The following DNAJC15 variants were observed in gnomAD, a reference collection of about 807,000 sequenced individuals.
The protein encoded by DNAJC15 is dnaJ homolog subfamily C member 15.
In DNAJC15, 27 loss-of-function variants were observed where a neutral mutation model predicts 22.4. That is an observed-to-expected ratio of 1.20 (90% CI 0.89 to 1.66). The LOEUF (loss-of-function observed/expected upper bound fraction) is 1.66. DNAJC15 is among the 40% of genes most tolerant of loss of function. The pLI is 0.00. For missense variants in DNAJC15, 208 were observed against 187.1 expected (o/e 1.11, Z -0.65); for synonymous variants, 79 against 63.2 (o/e 1.25, Z -1.19).
chr13:43,083,761 T>C (rs1272072608), intron 4 of DNAJC15, among the ~76,000 whole-genome samples: 1 of 152,230 alleles, frequency 6.6e-6, no homozygotes, highest in East Asian at 1.9e-4. Context: ...ACAGTTATTT[T>C]CTCAAAATTC....
rs1257220532 is a variant in DNAJC15 at position 43,078,610 on chromosome 13, A to G, written c.235-2A>G. The G allele has an allele frequency of 6.2e-7, 1 of 1,612,324 alleles. No homozygotes were observed. The highest frequency in any genetic ancestry group is 1.1e-5 in the South Asian group (1 of 90,902). On this transcript the variant is annotated splice_acceptor_variant, in intron 3 of 5. Coordinates refer to ENST00000379221, the MANE Select transcript of DNAJC15 (RefSeq NM_013238.3). LOFTEE classifies it high-confidence loss of function. The stretch of plus-strand genomic sequence containing the variant: ...ATTTCTTGCTCTTTCTTTCCTATAC[A>G]GAGCTTTTCATCCTACTATAAAGGA...
rs551438948 is a variant in DNAJC15 at position 43,048,661 on chromosome 13, C to T, written c.109-17025C>T. 7.0e-4 allele frequency among the ~76,000 whole-genome samples: 106 copies of T among 152,116 alleles called. 2 individuals are homozygous for T. In the South Asian group the frequency reaches 0.017, roughly 24 times the overall value. ...AATGTTAGGTTTTTGGTTTTTCTTA[C>T]ATAGAGACCACTGTTCCCAAACATT... On this transcript the variant is annotated intron_variant, in intron 1 of 5. Coordinates refer to ENST00000379221, the MANE Select transcript of DNAJC15 (RefSeq NM_013238.3).
intron 5 of DNAJC15, among the ~76,000 whole-genome samples, chr13:43,089,321 C>T (rs1017086849): frequency 4.6e-5 from 7 of 152,216 alleles, no homozygotes; most frequent in South Asian, 2.1e-4. Context: ...TCTCTGTCCC[C>T]GTGGGATCAT....
At position 43,049,433 on chromosome 13, in the gene DNAJC15, A is replaced by G. The variant is rs1404825589; in HGVS notation, c.109-16253A>G. 3.9e-5 allele frequency among the ~76,000 whole-genome samples: 6 copies of G among 152,368 alleles called. No homozygotes were observed. The South Asian group carries it at 1.2e-3, about 32-fold the overall frequency. ...CAGATCCTCTTAGCCCAAGGATATG[A>G]TACTGAAGTTTAGTAAACGAGAAAT... On this transcript the variant is annotated intron_variant, in intron 1 of 5. Coordinates refer to ENST00000379221, the MANE Select transcript of DNAJC15 (RefSeq NM_013238.3).
At position 43,069,058 on chromosome 13, in the gene DNAJC15, CAT is replaced by C. The variant is rs1318453060; in HGVS notation, c.234+58_234+59del. 40 of 1,511,454 alleles carry C rather than the reference CAT, an allele frequency of 2.6e-5. 1 individual carries two copies. In the East Asian group the frequency reaches 8.1e-4, roughly 31 times the overall value. 93.6% of individuals were successfully genotyped at this position (1,511,454 alleles called of 1,614,324 possible). On this transcript the variant is annotated intron_variant, in intron 3 of 5. Coordinates refer to ENST00000379221, the MANE Select transcript of DNAJC15 (RefSeq NM_013238.3). Reference sequence around the variant, plus strand: ...CTCATTTTGATTTTTGTTCATATGACATATTTCAATTAACTTAGAAAATGTCT... The same window carrying C: ...CTCATTTTGATTTTTGTTCATATGACATTTCAATTAACTTAGAAAATGTCT...
In DNAJC15 at chr13:43,110,909, G is replaced by A. The variant is rs1302267271; in HGVS notation, c.*3661G>A. 1 of 152,170 alleles carries A rather than the reference G, an allele frequency of 6.6e-6. No homozygotes were observed. Among genetic ancestry groups the A allele is most frequent in the African/African-American group, 2.4e-5 (1 of 41,438 alleles). 9.4% of individuals were successfully genotyped at this position (152,170 alleles called of 1,614,324 possible). On this transcript the variant is annotated 3_prime_UTR_variant, in exon 6 of 6. Transcript: ENST00000379221. ...GTTACCTGTCTTCAGTAAAGATTGC[G>A]CTTGCATATTTGCTGTCATTGCATA...
At position 43,111,411 on chromosome 13, in the gene DNAJC15, A is replaced by G. The variant is rs1412489915; in HGVS notation, c.*4163A>G. ...TTAATGGGCGTGCTTATGATTGATC[A>G]CCCAGCAGCATCATTAGAAATAATA... is the stretch of plus-strand genomic sequence containing the variant. On this transcript the variant is annotated 3_prime_UTR_variant, in exon 6 of 6. Coordinates refer to ENST00000379221, the MANE Select transcript of DNAJC15 (RefSeq NM_013238.3). The G allele has an allele frequency of 2.6e-5, 4 of 152,188 alleles. No homozygotes were observed. The highest frequency in any genetic ancestry group is 7.2e-5 in the African/African-American group (3 of 41,432). 9.4% of individuals were successfully genotyped at this position (152,188 alleles called of 1,614,324 possible).
intron 4 of DNAJC15, among the ~76,000 whole-genome samples, chr13:43,085,287 G>C (rs1219644356): frequency 6.6e-6 from 1 of 151,132 alleles, no homozygotes; most frequent in Non-Finnish European, 1.5e-5. Context: ...CTTGAACCTG[G>C]GAGGTGGAGG....
Position 43,107,304 on chromosome 13 carries a change from G to C in DNAJC15, c.*56G>C, listed in dbSNP as rs1313160388. Reference sequence around the variant, plus strand: ...AGAGGGGACTTCGAAAAAAAAAAAAGCCCTGCAAAATATTCTAAAACATGG... The same window carrying C: ...AGAGGGGACTTCGAAAAAAAAAAAACCCCTGCAAAATATTCTAAAACATGG... On this transcript the variant is annotated 3_prime_UTR_variant, in exon 6 of 6. Coordinates refer to ENST00000379221, the MANE Select transcript of DNAJC15 (RefSeq NM_013238.3). 10 of 1,258,886 alleles carry C rather than the reference G, an allele frequency of 7.9e-6. No individual in the cohort carries two copies. Among genetic ancestry groups the C allele is most frequent in the Admixed American group, 3.1e-5 (1 of 32,696 alleles). The allele number at this position is 1,258,886 out of a possible 1,614,324, so 78.0% of individuals were successfully genotyped here.
chr13:43,033,236 T>C (rs2040412148), intron 1 of DNAJC15, among the ~76,000 whole-genome samples: 1 of 152,202 alleles, frequency 6.6e-6, no homozygotes, highest in African/African-American at 2.4e-5. Flanking sequence ...GACAATATAG[T>C]GAGACCCCAT....
chr13:43,048,619 A>T (rs2040488911), intron 1 of DNAJC15, among the ~76,000 whole-genome samples: 1 of 152,220 alleles, frequency 6.6e-6, no homozygotes, highest in African/African-American at 2.4e-5. Flanking sequence ...CTAAATTTCT[A>T]AATTTGATGT....
At chr13:43,058,210 G>A (rs1178002833) in intron 1 of DNAJC15, among the ~76,000 whole-genome samples, 1 of 152,140 alleles carries the variant, frequency 6.6e-6, no homozygotes, top group African/African-American at 2.4e-5. Context: ...GAGTTTGTTG[G>A]CTTCTAGCCA....
chr13:43,101,184 C>T (rs2040767146), intron 5 of DNAJC15, among the ~76,000 whole-genome samples: 1 of 152,104 alleles, frequency 6.6e-6, no homozygotes. Context: ...TTGGCTCATG[C>T]TTGTTTGCTT....
chr13:43,080,633 T>TTTTTG (rs1342921404), intron 4 of DNAJC15, among the ~76,000 whole-genome samples: 1 of 152,248 alleles, frequency 6.6e-6, no homozygotes, highest in Non-Finnish European at 1.5e-5. Context: ...TGGTCAAGCT[T>TTTTTG]TTTTGTTTTG....
chr13:43,085,661 A>G lies in DNAJC15; in HGVS notation c.312-107A>G, dbSNP rs1593326958. On this transcript the variant is annotated intron_variant, in intron 4 of 5. Transcript: ENST00000379221. Reference sequence around the variant, plus strand: ...CTGTAGTTTCATATTTGTCCACAAGATGGTGAAATTCTCATTAGGTATAAT... The same window carrying G: ...CTGTAGTTTCATATTTGTCCACAAGGTGGTGAAATTCTCATTAGGTATAAT... The G allele has an allele frequency of 4.0e-5, 31 of 768,386 alleles. No individual in the cohort carries two copies. The East Asian group carries it at 8.1e-4, about 20-fold the overall frequency. 47.6% of individuals were successfully genotyped at this position (768,386 alleles called of 1,614,324 possible). A position where few individuals can be genotyped will look rare whatever the true frequency, so the allele number is the denominator to read the frequency against.
chr13:43,085,972 A>G (rs1262186724), intron 5 of DNAJC15, 134 bp downstream of exon 5: 1 of 729,508 alleles, frequency 1.4e-6, no homozygotes, highest in Non-Finnish European at 2.2e-6. Flanking sequence ...TTTTCTCATA[A>G]ATGAGCATTT....
chr13:43,064,500 C>T (rs2040573874), intron 1 of DNAJC15, among the ~76,000 whole-genome samples: 1 of 152,206 alleles, frequency 6.6e-6, no homozygotes, highest in Non-Finnish European at 1.5e-5. Context: ...TCTCTGCCGA[C>T]TCTTCAGGAT....
rs577765196 is a variant in DNAJC15 at position 43,103,928 on chromosome 13, T to C, written c.383-3250T>C. On this transcript the variant is annotated intron_variant, in intron 5 of 5. Transcript: ENST00000379221. ...GCATTTTACCTTAAAATGTACTTTA[T>C]CTAATAATTAGTATAACAATGTCAG... 3.3e-5 allele frequency among the ~76,000 whole-genome samples: 5 copies of C among 152,254 alleles called. 1 individual carries two copies. In the East Asian group the frequency reaches 9.6e-4, roughly 29 times the overall value.
intron 1 of DNAJC15, among the ~76,000 whole-genome samples, chr13:43,032,531 A>G (rs578190324): frequency 1.3e-5 from 2 of 152,330 alleles, no homozygotes; most frequent in East Asian, 1.9e-4. Context: ...TGGAGATAAA[A>G]TAAGTACTGT....
Sources: gnomAD v4.1 joint callset for allele counts (sites outside exome capture counted in the v4.1 genomes callset) on GRCh38, gnomAD v4.1.1 for gene constraint, MANE v1.5 for transcripts, NCBI Gene and HGNC (gene_info 2026-07-23, HGNC 2026-07-21) for gene names.